Variants in VAMP1 observed in about 807,000 individuals in gnomAD.
The protein encoded by VAMP1 is vesicle associated membrane protein 1.
In VAMP1, 16 loss-of-function variants were observed where a neutral mutation model predicts 19.1. That is an observed-to-expected ratio of 0.84 (90% CI 0.57 to 1.27). The LOEUF (loss-of-function observed/expected upper bound fraction) is 1.27. VAMP1 is among the 50% of genes most tolerant of loss of function. The pLI is 0.00. For synonymous variants in VAMP1, 37 were observed against 50.2 expected, an observed-to-expected ratio of 0.74 and a Z score of 1.11; for missense variants, 109 against 145.4, an observed-to-expected ratio of 0.75 and a Z score of 1.29.
chr12:6,466,474 G>A (rs947931077), intron 1 of VAMP1, 123 bp from the exon 2 acceptor site: 4 of 1,089,122 alleles, frequency 3.7e-6, no homozygotes, highest in African/African-American at 3.2e-5. Flanking sequence ...CTTGAGCCCA[G>A]GAGTTCGAGG....
At chr12:6,464,973 G>C (rs1309136209) in intron 3 of VAMP1, 32 bp from the exon 4 acceptor site, 1 of 1,612,120 alleles carries the variant, frequency 6.2e-7, no homozygotes, top group East Asian at 2.2e-5. Flanking sequence ...ATGAGCCCTT[G>C]GATTTCAGGA....
Position 6,463,879 on chromosome 12 carries a change from G to C in VAMP1, c.*591C>G. On this transcript the variant is annotated 3_prime_UTR_variant, in exon 5 of 5. Transcript: ENST00000396308. This position sits in a 1 kb window ranked among gnomAD's most constrained non-coding sequence, Gnocchi z 4.0. ...ATCCCCAAAGACACGGAAAATCCTG[G>C]ACGAACAGATTAGAAATAACTACAA... 7.8e-7 allele frequency: 1 copy of C among 1,278,330 alleles called. No homozygotes were observed. Among genetic ancestry groups the C allele is most frequent in the African/African-American group, 1.5e-5 (1 of 65,432 alleles). 79.2% of individuals were successfully genotyped at this position (1,278,330 alleles called of 1,614,324 possible).
chr12:6,463,837 CAAAGT>C lies in VAMP1; in HGVS notation c.*628_*632del, dbSNP rs1462037843. 44 of 1,232,824 alleles carry C rather than the reference CAAAGT, an allele frequency of 3.6e-5. No homozygotes were observed. The highest frequency in any genetic ancestry group is 8.5e-5 in the Admixed American group (3 of 35,454). The allele number at this position is 1,232,824 out of a possible 1,614,324, so 76.4% of individuals were successfully genotyped here. On this transcript the variant is annotated 3_prime_UTR_variant, in exon 5 of 5. Coordinates refer to ENST00000396308, the MANE Select transcript of VAMP1 (RefSeq NM_014231.5). This position sits in a 1 kb window ranked among gnomAD's most constrained non-coding sequence, Gnocchi z 4.0. ...AAGTGTTCTCCAGGCCTCTGGAGAA[CAAAGT>C]AAAGTTGTAAGATCCCCAAAGACAC...
rs555231004 is a variant in VAMP1, at chr12:6,462,706, C to T, written c.*1764G>A. The T allele has an allele frequency of 2.9e-6, 3 of 1,020,586 alleles. No individual in the cohort carries two copies. The African/African-American group carries it at 4.9e-5, about 17-fold the overall frequency. 63.2% of individuals were successfully genotyped at this position (1,020,586 alleles called of 1,614,324 possible). ...ACGGATTCGCTCCAGGCTTGGGACA[C>T]ATCGAGGACAGTGGTGGTTCTTCTC... is the stretch of plus-strand genomic sequence containing the variant. On this transcript the variant is annotated 3_prime_UTR_variant, in exon 5 of 5. Coordinates refer to ENST00000396308, the MANE Select transcript of VAMP1 (RefSeq NM_014231.5).
chr12:6,464,598 C>T, intron 4 of VAMP1, 112 bp from the exon 5 acceptor site: 1 of 1,458,748 alleles, frequency 6.9e-7, no homozygotes, highest in African/African-American at 1.4e-5. Context: ...TTGTTAAGTG[C>T]CCCATCCCCA....
At chr12:6,468,379 AAAGGCAAAGTCTATGTAGGTGGAGTG>A in intron 1 of VAMP1, among the ~76,000 whole-genome samples, 1 of 152,224 alleles carries the variant, frequency 6.6e-6, no homozygotes, top group African/African-American at 2.4e-5. Context: ...GAAAATCACC[AAAGGCAAAGTCTATGTAGGTGGAGTG>A]AGTCAGGACT....
intron 3 of VAMP1, chr12:6,465,401 A>AATGTATATATATGTATATATATATAC (rs1949989244): frequency 1.8e-4 from 12 of 67,578 alleles, no homozygotes; most frequent in African/African-American, 5.0e-4. Flanking sequence ...TATATATATA[A>AATGTATATATATGTATATATATATAC]ATGTATATAT....
Position 6,462,875 on chromosome 12 carries a change from G to A in VAMP1, c.*1595C>T. The stretch of plus-strand genomic sequence containing the variant: ...AGGACGAAGGGAATGTGGGAAACAA[G>A]GGCGAAAGGAAAGGAAGGATGGTTT... On this transcript the variant is annotated 3_prime_UTR_variant, in exon 5 of 5. Coordinates refer to ENST00000396308, the MANE Select transcript of VAMP1 (RefSeq NM_014231.5). The A allele has an allele frequency of 5.0e-6, 8 of 1,602,312 alleles. No individual in the cohort carries two copies. Among genetic ancestry groups the A allele is most frequent in the Non-Finnish European group, 6.8e-6 (8 of 1,174,210 alleles).
rs1945708116 is a variant in VAMP1 at position 6,469,243 on chromosome 12, C to G, written c.2+1287G>C. ...GCTAGCTAAGCAATCTAGCTCTCGA[C>G]TTAAGGCAGAAAATTCAATGAGTAG... On this transcript the variant is annotated intron_variant, in intron 1 of 4. Transcript: ENST00000396308. Among the ~76,000 whole-genome samples the G allele has an allele frequency of 2.0e-5, 3 of 152,184 alleles. No homozygotes were observed. The South Asian group carries it at 6.2e-4, about 32-fold the overall frequency.
intron 1 of VAMP1, among the ~76,000 whole-genome samples, chr12:6,469,102 C>T (rs891630638): frequency 6.6e-6 from 1 of 152,180 alleles, no homozygotes; most frequent in African/African-American, 2.4e-5. Flanking sequence ...CAGATTACAC[C>T]TGACTCATTC....
Position 6,462,505 on chromosome 12 carries a change from T to C in VAMP1, c.*1965A>G. Reference sequence around the variant, plus strand: ...TTTGTTGCACATTTGCTCATGCACATGGGTGGTGGGAGGAAAGGGGGATAG... The same window carrying C: ...TTTGTTGCACATTTGCTCATGCACACGGGTGGTGGGAGGAAAGGGGGATAG... On this transcript the variant is annotated 3_prime_UTR_variant, in exon 5 of 5. Coordinates refer to ENST00000396308, the MANE Select transcript of VAMP1 (RefSeq NM_014231.5). 2.0e-6 allele frequency: 1 copy of C among 492,852 alleles called. No homozygotes were observed. The highest frequency in any genetic ancestry group is 3.6e-6 in the Non-Finnish European group (1 of 277,600). 30.5% of individuals were successfully genotyped at this position (492,852 alleles called of 1,614,324 possible). A position where few individuals can be genotyped will look rare whatever the true frequency, so the allele number is the denominator to read the frequency against.
rs993769491 is a variant in VAMP1 at position 6,470,677 on chromosome 12, T to A, written c.-146A>T. On this transcript the variant is annotated 5_prime_UTR_variant, in exon 1 of 5. Coordinates refer to ENST00000396308, the MANE Select transcript of VAMP1 (RefSeq NM_014231.5). The stretch of plus-strand genomic sequence containing the variant: ...GCGGTCTAGCTGCGCTGGAACTTAC[T>A]GCAGCTGCCGCGCCGGCCTCCGCCT... 2 of 1,028,918 alleles carry A rather than the reference T, an allele frequency of 1.9e-6. No individual in the cohort carries two copies. Among genetic ancestry groups the A allele is most frequent in the Admixed American group, 2.0e-5 (1 of 49,106 alleles). 63.7% of individuals were successfully genotyped at this position (1,028,918 alleles called of 1,614,324 possible). A position where few individuals can be genotyped will look rare whatever the true frequency, so the allele number is the denominator to read the frequency against.
At position 6,463,248 on chromosome 12, in the gene VAMP1, G is replaced by A. The variant is rs997493309; in HGVS notation, c.*1222C>T. ...GAATATACTACAGGAAGAACAGAGA[G>A]GCGGCTCTCAAGGAGAGGGCCCCAT... On this transcript the variant is annotated 3_prime_UTR_variant, in exon 5 of 5. Coordinates refer to ENST00000396308, the MANE Select transcript of VAMP1 (RefSeq NM_014231.5). The surrounding 1 kb of genome is among the most constrained non-coding windows in gnomAD (Gnocchi z 4.0). The A allele has an allele frequency of 7.3e-7, 1 of 1,378,536 alleles. No homozygotes were observed. The allele number at this position is 1,378,536 out of a possible 1,614,324, so 85.4% of individuals were successfully genotyped here. A position where few individuals can be genotyped will look rare whatever the true frequency, so the allele number is the denominator to read the frequency against.
chr12:6,462,663 G>A lies in VAMP1; in HGVS notation c.*1807C>T, dbSNP rs1184630602. The A allele has an allele frequency of 8.2e-6, 6 of 735,812 alleles. No individual in the cohort carries two copies. Among genetic ancestry groups the A allele is most frequent in the Non-Finnish European group, 1.1e-5 (5 of 450,516 alleles). The allele number at this position is 735,812 out of a possible 1,614,324, so 45.6% of individuals were successfully genotyped here. ...ACCCAGGAATGATTCCTGTGATAGG[G>A]CTGGGAGAGCCAAGAGGACGGATTC... On this transcript the variant is annotated 3_prime_UTR_variant, in exon 5 of 5. Transcript: ENST00000396308.
Position 6,463,006 on chromosome 12 carries a change from A to G in VAMP1, c.*1464T>C, listed in dbSNP as rs775992685. ...CCGAGGGAAGAAGGAATAAAGGGCC[A>G]TGGGCATTCTCCGCTCTGTTCCCAG... On this transcript the variant is annotated 3_prime_UTR_variant, in exon 5 of 5. Coordinates refer to ENST00000396308, the MANE Select transcript of VAMP1 (RefSeq NM_014231.5). The surrounding 1 kb of genome is among the most constrained non-coding windows in gnomAD (Gnocchi z 4.0). 5.2e-6 allele frequency: 8 copies of G among 1,549,696 alleles called. No individual in the cohort carries two copies. Among genetic ancestry groups the G allele is most frequent in the Admixed American group, 3.9e-5 (2 of 50,984 alleles).
At chr12:6,465,388 A>ATATATATATAAATGTATATATGTG (rs1491122233) in intron 3 of VAMP1, 2 of 75,522 alleles carry the variant, frequency 2.6e-5, no homozygotes, top group African/African-American at 6.1e-5. Flanking sequence ...ATATATATGT[A>ATATATATATAAATGTATATATGTG]TATATATATA....
At chr12:6,465,036 G>A (rs1379804781) in intron 3 of VAMP1, 95 bp from the exon 4 acceptor site, 1 of 1,565,954 alleles carries the variant, frequency 6.4e-7, no homozygotes, top group Non-Finnish European at 8.6e-7. Flanking sequence ...TCCATCCTTG[G>A]GACAATGGAA....
chr12:6,467,198 G>C (rs563557539), intron 1 of VAMP1: 1 of 162,772 alleles, frequency 6.1e-6, no homozygotes, highest in South Asian at 1.9e-4. Flanking sequence ...GGTACCAGTA[G>C]AGTGGGGTGT....
Position 6,470,627 on chromosome 12 carries a change from AGCTCC to A in VAMP1, c.-101_-97del. On this transcript the variant is annotated 5_prime_UTR_variant, in exon 1 of 5. Transcript: ENST00000396308. The stretch of plus-strand genomic sequence containing the variant: ...GCGGCTGAAGTGGACGGAACTGCCA[AGCTCC>A]GCCTCGCGCCGACTACCCCGCGGTC... 6.5e-7 allele frequency: 1 copy of A among 1,544,234 alleles called. No homozygotes were observed. Among genetic ancestry groups the A allele is most frequent in the African/African-American group, 1.4e-5 (1 of 73,496 alleles).
Sources: gnomAD v4.1 joint callset for allele counts (sites outside exome capture counted in the v4.1 genomes callset) on GRCh38, gnomAD v4.1.1 for gene constraint, Gnocchi (gnomAD v3.1) non-coding constraint, MANE v1.5 for transcripts, NCBI Gene and HGNC (gene_info 2026-07-23, HGNC 2026-07-21) for gene names.